CERT1: variants seen among roughly 807,000 people sequenced by gnomAD.
CERT1 encodes the protein ceramide transporter 1, also known as ceramide transfer protein.
A neutral mutation model predicts 87.9 loss-of-function variants in CERT1; 31 were observed. The ratio of observed to expected loss-of-function variants is 0.35; its 90% CI spans 0.27 to 0.48. The LOEUF (loss-of-function observed/expected upper bound fraction) is 0.48, where lower values mean the gene tolerates loss of function less well. Ranked by LOEUF, CERT1 falls within the 20% of genes least tolerant of loss-of-function variation. The pLI is 0.99. For missense variants in CERT1, 487 were observed against 758.0 expected (o/e 0.64, Z 4.20); for synonymous variants, 289 against 250.9 (o/e 1.15, Z -1.44).
intron 5 of CERT1, chr5:75,425,132 TAAATA>T (rs1763556121): frequency 4.9e-6 from 2 of 404,808 alleles, no homozygotes. Flanking sequence ...AAAAAGTAAA[TAAATA>T]AAATAAAGGT....
intron 17 of CERT1, chr5:75,370,332 G>T (rs1349014066): frequency 6.6e-6 from 1 of 152,158 alleles, no homozygotes; most frequent in Non-Finnish European, 1.5e-5. Context: ...TTGTTCTAGG[G>T]CATAAATTAC....
Position 75,511,381 on chromosome 5 carries a change from G to A in CERT1, c.-174C>T. On this transcript the variant is annotated 5_prime_UTR_variant, in exon 1 of 17. Transcript: ENST00000643780. ...CGCCCGCCGCGCCGCCGCCGCGCCTGACACCGAGCGGAGCGAGGAAGGAGG... is the reference window on the plus strand; with the variant it reads ...CGCCCGCCGCGCCGCCGCCGCGCCTAACACCGAGCGGAGCGAGGAAGGAGG... The A allele has an allele frequency of 6.5e-7, 1 of 1,546,730 alleles. No individual in the cohort carries two copies. The highest frequency in any genetic ancestry group is 1.2e-5 in the South Asian group (1 of 83,930).
intron 3 of CERT1, among the ~76,000 whole-genome samples, chr5:75,439,220 C>T (rs977084859): frequency 3.3e-5 from 5 of 149,768 alleles, no homozygotes; most frequent in Non-Finnish European, 7.4e-5. Context: ...AAAAAAAAAG[C>T]CAAAAAACCT....
At chr5:75,399,217 A>C in intron 11 of CERT1, 93 bp downstream of exon 11, 1 of 906,114 alleles carries the variant, frequency 1.1e-6, no homozygotes, top group Non-Finnish European at 1.8e-6. Context: ...AACTAAAATC[A>C]GTGGCCTAAC....
chr5:75,474,290 G>A (rs2112364845), intron 2 of CERT1, among the ~76,000 whole-genome samples: 1 of 152,240 alleles, frequency 6.6e-6, no homozygotes. Context: ...GACAGAAATT[G>A]TGCACTTGAG....
chr5:75,421,665 A>C (rs1763381983), intron 5 of CERT1, among the ~76,000 whole-genome samples: 1 of 152,232 alleles, frequency 6.6e-6, no homozygotes, highest in Admixed American at 6.5e-5. Flanking sequence ...CATCAGTTGA[A>C]GTTATAATAC....
intron 2 of CERT1, 88 bp downstream of exon 2, chr5:75,505,894 C>T (rs1240020685): frequency 3.2e-6 from 3 of 951,584 alleles, no homozygotes; most frequent in Non-Finnish European, 4.8e-6. Context: ...ATCTTATCCA[C>T]GGATGTATCC....
intron 3 of CERT1, among the ~76,000 whole-genome samples, chr5:75,435,423 T>C (rs1764052024): frequency 6.6e-6 from 1 of 152,220 alleles, no homozygotes; most frequent in Admixed American, 6.5e-5. Flanking sequence ...TCTGTAGCTA[T>C]CATTTTAGCC....
intron 2 of CERT1, among the ~76,000 whole-genome samples, chr5:75,473,444 A>T (rs561633187): frequency 2.0e-4 from 31 of 151,982 alleles, no homozygotes; most frequent in African/African-American, 7.5e-4. Flanking sequence ...ATGAATCTGG[A>T]GGGCATTAAA....
chr5:75,461,668 C>A (rs1765237986), intron 2 of CERT1, among the ~76,000 whole-genome samples: 1 of 151,988 alleles, frequency 6.6e-6, no homozygotes, highest in Non-Finnish European at 1.5e-5. Context: ...CATAATTCAC[C>A]ATTTTCTCTG....
intron 3 of CERT1, among the ~76,000 whole-genome samples, chr5:75,453,819 T>C (rs1166377201): frequency 8.7e-5 from 2 of 23,046 alleles, no homozygotes; most frequent in Non-Finnish European, 1.6e-4. Flanking sequence ...CACGCGTGTA[T>C]GTATGTGAGA....
chr5:75,502,042 A>G (rs1384264346), intron 2 of CERT1, among the ~76,000 whole-genome samples: 2 of 152,140 alleles, frequency 1.3e-5, no homozygotes, highest in Non-Finnish European at 2.9e-5. Flanking sequence ...AGAAACAGAC[A>G]AGTGACAATG....
chr5:75,420,347 G>GTTT (rs11310251), intron 5 of CERT1, among the ~76,000 whole-genome samples: 1 of 138,524 alleles, frequency 7.2e-6, no homozygotes, highest in Non-Finnish European at 1.6e-5. Context: ...GATATCGACT[G>GTTT]TTTTTTTTTT....
chr5:75,471,713 G>A (rs762179440), intron 2 of CERT1, among the ~76,000 whole-genome samples: 3 of 136,462 alleles, frequency 2.2e-5, no homozygotes, highest in Non-Finnish European at 3.0e-5. Context: ...CCAAGATTGC[G>A]CCACTGCACT....
intron 5 of CERT1, among the ~76,000 whole-genome samples, chr5:75,420,165 G>C (rs967720257): frequency 6.6e-6 from 1 of 151,660 alleles, no homozygotes; most frequent in Non-Finnish European, 1.5e-5. Flanking sequence ...TTTTAGTAGA[G>C]AAGGGGTTTC....
chr5:75,511,048 T>G, intron 1 of CERT1, 64 bp downstream of exon 1: 1 of 1,458,330 alleles, frequency 6.9e-7, no homozygotes, highest in Non-Finnish European at 9.0e-7. Context: ...CCCCACCGCC[T>G]CAGCGGATTG....
chr5:75,455,665 G>A (rs1198575412), intron 3 of CERT1, among the ~76,000 whole-genome samples: 2 of 152,128 alleles, frequency 1.3e-5, no homozygotes, highest in Non-Finnish European at 2.9e-5. Context: ...AAAGAAAAAT[G>A]AGTTCATATT....
chr5:75,487,710 CAT>C, intron 2 of CERT1, among the ~76,000 whole-genome samples: 1 of 151,910 alleles, frequency 6.6e-6, no homozygotes, highest in Non-Finnish European at 1.5e-5. Flanking sequence ...TGGGCAAGCA[CAT>C]ATGAGAAAAG....
chr5:75,478,732 C>A (rs1247963977), intron 2 of CERT1, among the ~76,000 whole-genome samples: 1 of 151,708 alleles, frequency 6.6e-6, no homozygotes, highest in Non-Finnish European at 1.5e-5. Flanking sequence ...GGGTTCAAAA[C>A]AGAAAGATCA....
Sources: gnomAD v4.1 joint callset for allele counts (sites outside exome capture counted in the v4.1 genomes callset) on GRCh38, gnomAD v4.1.1 for gene constraint, MANE v1.5 for transcripts, NCBI Gene and HGNC (gene_info 2026-07-23, HGNC 2026-07-21) for gene names.